DGKG: variants seen among roughly 807,000 people sequenced by gnomAD.
DGKG encodes DAG kinase gamma.
In DGKG, 78 loss-of-function variants were observed where a neutral mutation model predicts 105.3. The observed-to-expected ratio is 0.74, with a 90% CI of 0.62 to 0.89. The LOEUF is 0.89. Ranked by LOEUF, DGKG falls within the 40% of genes least tolerant of loss-of-function variation. The pLI is 0.00. For missense variants in DGKG, 958 were observed against 1,020.1 expected, an observed-to-expected ratio of 0.94 and a Z score of 0.83; for synonymous variants, 346 against 367.1, an observed-to-expected ratio of 0.94 and a Z score of 0.66.
Position 186,183,506 on chromosome 3 carries a change from G to T in DGKG, c.2095+4696C>A, listed in dbSNP as rs554505627. On this transcript the variant is annotated intron_variant, in intron 22 of 24. Coordinates refer to ENST00000265022, the MANE Select transcript of DGKG (RefSeq NM_001346.3). The stretch of plus-strand genomic sequence containing the variant: ...CTCATGTAGCTAAGAACCTTTCTTG[G>T]GGGGGGGCGGGGTAACTACTTGAGG... 4.4e-3 allele frequency among the ~76,000 whole-genome samples: 376 copies of T among 86,286 alleles called. 5 individuals carry two copies. Among genetic ancestry groups the T allele is most frequent in the Admixed American group, 2.5e-3 (25 of 9,894 alleles). 56.6% of individuals were successfully genotyped at this position (86,286 alleles called of 152,430 possible).
intron 22 of DGKG, among the ~76,000 whole-genome samples, chr3:186,180,726 A>G (rs1717320591): frequency 6.6e-6 from 1 of 152,210 alleles, no homozygotes. Context: ...CATGAGAAAC[A>G]GTGAACTCGT....
At chr3:186,262,395 G>A (rs1347698579) in intron 14 of DGKG, among the ~76,000 whole-genome samples, 1 of 152,112 alleles carries the variant, frequency 6.6e-6, no homozygotes, top group African/African-American at 2.4e-5. Context: ...TCCAAGGAAG[G>A]TCTTGTCCTG....
Position 186,242,532 on chromosome 3 carries a change from C to G in DGKG, c.1798G>C (p.Glu600Gln), listed in dbSNP as rs552156637. 4.8e-5 allele frequency: 77 copies of G among 1,613,676 alleles called. No individual in the cohort carries two copies. In the South Asian group the frequency reaches 7.4e-4, roughly 15 times the overall value. The change falls in exon 20 of 25, where the codon GAG (glutamate) becomes CAG (glutamine). Residue 600 changes from glutamate (E) to glutamine (Q), a missense_variant. Coordinates refer to ENST00000265022, the MANE Select transcript of DGKG (RefSeq NM_001346.3). ...SIAHRFHVMREKHPEKFNSRM... is the reference protein window; with the variant it reads ...SIAHRFHVMRQKHPEKFNSRM... ...CTGTTGAATTTTTCAGGATGTTTCT[C>G]TCTCATCACATGGAATCTGTGTGCA...
chr3:186,186,779 C>G (rs1031617140), intron 22 of DGKG, among the ~76,000 whole-genome samples: 1 of 152,206 alleles, frequency 6.6e-6, no homozygotes, highest in African/African-American at 2.4e-5. Context: ...ACAGGGGAAT[C>G]AGCTGCCAGG....
chr3:186,211,679 A>G, intron 21 of DGKG, 116 bp downstream of exon 21: 1 of 748,814 alleles, frequency 1.3e-6, no homozygotes, highest in South Asian at 1.6e-5. Flanking sequence ...GAGAAACAAC[A>G]GAGACTACGC....
At chr3:186,319,407 T>TGTC (rs1707454383) in intron 2 of DGKG, among the ~76,000 whole-genome samples, 1 of 152,126 alleles carries the variant, frequency 6.6e-6, no homozygotes, top group African/African-American at 2.4e-5. Flanking sequence ...ATTCCCTGAC[T>TGTC]CCTAGACCAG....
chr3:186,279,743 G>T, intron 9 of DGKG, 108 bp downstream of exon 9: 2 of 1,337,836 alleles, frequency 1.5e-6, no homozygotes, highest in Non-Finnish European at 2.0e-6. Context: ...GTCATGGCAC[G>T]TCTGTTGGGC....
rs1443128298 is a variant in DGKG, at chr3:186,274,858, G to A, written c.910+689C>T. On this transcript the variant is annotated intron_variant, in intron 10 of 24. Transcript: ENST00000265022. ...TGCCACAATAAACATACGTGTGCAT[G>A]TGTCTTTATAGCAGCATGATTTATA... 4.6e-5 allele frequency among the ~76,000 whole-genome samples: 7 copies of A among 152,150 alleles called. 1 individual carries two copies. In the East Asian group the frequency reaches 1.2e-3, roughly 25 times the overall value.
At chr3:186,264,544 G>A (rs548688805) in intron 14 of DGKG, among the ~76,000 whole-genome samples, 4 of 152,296 alleles carry the variant, frequency 2.6e-5, no homozygotes, top group East Asian at 1.9e-4. Flanking sequence ...GATGACAGGC[G>A]TGAGCCACTG....
At chr3:186,283,365 T>G (rs1722913857) in intron 7 of DGKG, among the ~76,000 whole-genome samples, 1 of 152,106 alleles carries the variant, frequency 6.6e-6, no homozygotes, top group Non-Finnish European at 1.5e-5. Context: ...GGAGTGAATC[T>G]TCTAACATCC....
rs1412779560 is a variant in DGKG, at chr3:186,298,181, C to T, written c.193G>A (p.Val65Met). 4 of 1,613,592 alleles carry T rather than the reference C, an allele frequency of 2.5e-6. No homozygotes were observed. Among genetic ancestry groups the T allele is most frequent in the South Asian group, 2.2e-5 (2 of 90,972 alleles). ...GTGCTCAGTGGCTGGGGAAGGTCCA[C>T]CTCCAGGTACGCCCTCATGAACAGC... ...FKLFMRAYLE[V>M]DLPQPLSTHL... The change falls in exon 4 of 25, where the codon GTG becomes ATG. Residue 65 changes from valine to methionine, a missense_variant. By Grantham distance (21) the Val-to-Met change is conservative. Coordinates refer to ENST00000265022, the MANE Select transcript of DGKG (RefSeq NM_001346.3).
At chr3:186,242,651 C>T (rs986028227) in intron 19 of DGKG, 83 bp from the exon 20 acceptor site, 11 of 1,212,042 alleles carry the variant, frequency 9.1e-6, no homozygotes, top group African/African-American at 4.5e-5. Flanking sequence ...CGCATGCACT[C>T]GCTGAGTCAT....
At position 186,226,852 on chromosome 3, in the gene DGKG, G is replaced by T. The variant is rs192768740; in HGVS notation, c.1827-14967C>A. ...ATAAACATGAATATTCAGCAATTACGTAATTCCCTGCTGTGTTAGTAATTT... is the reference window on the plus strand; with the variant it reads ...ATAAACATGAATATTCAGCAATTACTTAATTCCCTGCTGTGTTAGTAATTT... On this transcript the variant is annotated intron_variant, in intron 20 of 24. Transcript: ENST00000265022. The surrounding 1 kb of genome is among the most constrained non-coding windows in gnomAD (Gnocchi z 4.2). Among the ~76,000 whole-genome samples the T allele has an allele frequency of 6.6e-6, 1 of 152,170 alleles. No individual in the cohort carries two copies. The highest frequency in any genetic ancestry group is 1.9e-4 in the East Asian group (1 of 5,196).
chr3:186,295,847 G>A (rs1354750337), intron 5 of DGKG, among the ~76,000 whole-genome samples: 2 of 152,010 alleles, frequency 1.3e-5, no homozygotes, highest in African/African-American at 2.4e-5. Context: ...TGCTGGGTGT[G>A]GTGGCTCATG....
chr3:186,237,609 T>G (rs768186490), intron 20 of DGKG, among the ~76,000 whole-genome samples: 10 of 152,184 alleles, frequency 6.6e-5, no homozygotes, highest in Non-Finnish European at 1.3e-4. Flanking sequence ...GCACTTACCC[T>G]TGCATGTTAT....
chr3:186,165,818 T>C (rs2108481235), intron 22 of DGKG, among the ~76,000 whole-genome samples: 1 of 152,380 alleles, frequency 6.6e-6, no homozygotes, highest in Admixed American at 6.5e-5. Context: ...ATGTTTGATG[T>C]TGGGCTCAAA....
intron 7 of DGKG, among the ~76,000 whole-genome samples, chr3:186,282,023 G>C (rs528280172): frequency 4.6e-5 from 7 of 152,184 alleles, no homozygotes; most frequent in Non-Finnish European, 1.0e-4. Context: ...TGTAGGAATA[G>C]AGAAATTTTA....
At chr3:186,249,080 G>T (rs1435355928) in intron 19 of DGKG, among the ~76,000 whole-genome samples, 1 of 152,190 alleles carries the variant, frequency 6.6e-6, no homozygotes, top group Admixed American at 6.5e-5. Flanking sequence ...CCTGCTGGGG[G>T]AAGCGGAGCC....
chr3:186,279,817 C>T, intron 9 of DGKG, 34 bp downstream of exon 9: 1 of 1,606,982 alleles, frequency 6.2e-7, no homozygotes, highest in Non-Finnish European at 8.5e-7. Context: ...TCCTGAATGG[C>T]AAGAGATCTC....
Sources: gnomAD v4.1 joint callset for allele counts (sites outside exome capture counted in the v4.1 genomes callset) on GRCh38, gnomAD v4.1.1 for gene constraint, Gnocchi (gnomAD v3.1) non-coding constraint, MANE v1.5 for transcripts, NCBI Gene and HGNC (gene_info 2026-07-23, HGNC 2026-07-21) for gene names.